The following NDUFC1 variants were observed in gnomAD, a reference collection of about 807,000 sequenced individuals.
NDUFC1 encodes NADH:ubiquinone oxidoreductase subunit C1, also known as NADH dehydrogenase [ubiquinone] 1 subunit C1, mitochondrial.
In NDUFC1, 11 loss-of-function variants were observed where a neutral mutation model predicts 11.6. The ratio of observed to expected loss-of-function variants is 0.95; its 90% confidence interval spans 0.60 to 1.58. The LOEUF is 1.58. Among genes scored for constraint, NDUFC1 ranks in the 40% most tolerant of loss-of-function variants. NDUFC1 has a pLI of 0.00. For synonymous variants in NDUFC1, 52 were observed against 42.2 expected (o/e 1.23, Z -0.90); for missense variants, 112 against 93.0 (o/e 1.20, Z -0.84).
rs1231066910 is a variant in NDUFC1, at chr4:139,295,819, C to T, written c.-21G>A. 6 of 1,544,456 alleles carry T rather than the reference C, an allele frequency of 3.9e-6. No individual in the cohort carries two copies. In the African/African-American group the frequency reaches 6.9e-5, roughly 18 times the overall value. ...GCCATCTTGCGTGGCCCAGCTCAGT[C>T]TCTCCGAGTTGGCAACAGAACCAGC... On this transcript the variant is annotated 5_prime_UTR_variant, in exon 3 of 6. Coordinates refer to ENST00000394223, the MANE Select transcript of NDUFC1 (RefSeq NM_001184989.2).
intron 1 of NDUFC1, among the ~76,000 whole-genome samples, chr4:139,300,344 A>C (rs1745657880): frequency 6.6e-6 from 1 of 152,190 alleles, no homozygotes; most frequent in Non-Finnish European, 1.5e-5. Flanking sequence ...CATGTATCTC[A>C]ACTCACACCT....
intron 4 of NDUFC1, among the ~76,000 whole-genome samples, chr4:139,294,110 T>G (rs572529328): frequency 6.6e-6 from 1 of 151,730 alleles, no homozygotes; most frequent in East Asian, 1.9e-4. Context: ...CCTGGCTAAT[T>G]TTTTTTGTAT....
chr4:139,301,726 AACTG>A (rs1271039827), intron 1 of NDUFC1: 21 of 1,532,762 alleles, frequency 1.4e-5, no homozygotes, highest in African/African-American at 2.8e-5. Flanking sequence ...CGGTCGGACA[AACTG>A]ACTGACCGAG....
At chr4:139,300,309 C>T (rs1745656135) in intron 1 of NDUFC1, among the ~76,000 whole-genome samples, 2 of 152,182 alleles carry the variant, frequency 1.3e-5, no homozygotes, top group African/African-American at 4.8e-5. Context: ...ATAGCAGCTA[C>T]AAAACCCAAG....
At chr4:139,301,732 C>CT in intron 1 of NDUFC1, 1 of 1,537,014 alleles carries the variant, frequency 6.5e-7, no homozygotes, top group South Asian at 1.2e-5. Flanking sequence ...GACAAACTGA[C>CT]TGACCGAGCC....
Position 139,295,127 on chromosome 4 carries a change from G to A in NDUFC1, c.87C>T (p.Phe29=). 2 of 1,614,150 alleles carry A rather than the reference G, an allele frequency of 1.2e-6. No homozygotes were observed. Among genetic ancestry groups the A allele is most frequent in the Non-Finnish European group, 1.7e-6 (2 of 1,180,006 alleles). The change falls in exon 4 of 6, where the codon TTC becomes TTT. Residue 29 remains phenylalanine, a synonymous_variant. Transcript: ENST00000394223. The stretch of plus-strand genomic sequence containing the variant: ...TGGCATTCGGCGGCTCTCGCACGTA[G>A]AACTTTGATCGCACTGAAGCTGAAA... ...LPSGPSVRSK[F]YVREPPNAKP...
rs532032614 is a variant in NDUFC1 at position 139,294,591 on chromosome 4, C to T, written c.171+452G>A. 3.7e-3 allele frequency among the ~76,000 whole-genome samples: 559 copies of T among 151,880 alleles called. 4 individuals carry two copies. Among genetic ancestry groups the T allele is most frequent in the South Asian group, 5.4e-3 (26 of 4,802 alleles). On this transcript the variant is annotated intron_variant, in intron 4 of 5. Transcript: ENST00000394223. ...CTCTACCAACAATACAAAAATTAGCCGGGCGTGGTGGCGGGCGCCTGTAGT... is the reference window on the plus strand; with the variant it reads ...CTCTACCAACAATACAAAAATTAGCTGGGCGTGGTGGCGGGCGCCTGTAGT...
intron 3 of NDUFC1, 102 bp from the exon 4 acceptor site, chr4:139,295,248 T>TC: frequency 1.2e-6 from 1 of 837,808 alleles, no homozygotes; most frequent in Non-Finnish European, 2.0e-6. Context: ...TCCCTTCAAC[T>TC]CCCCCATCTC....
At chr4:139,296,069 T>C (rs1007615930) in intron 2 of NDUFC1, 109 bp from the exon 3 acceptor site, 13 of 470,556 alleles carry the variant, frequency 2.8e-5, no homozygotes, top group Admixed American at 2.2e-4. Flanking sequence ...TCAAGAGGTT[T>C]ATTAAAATTT....
At position 139,295,785 on chromosome 4, in the gene NDUFC1, G is replaced by A. The variant is rs1248535061; in HGVS notation, c.14C>T (p.Ala5Val). Residue 5 changes from alanine to valine, a missense_variant, in exon 3 of 6, where the codon GCC (alanine) becomes GTC (valine). Coordinates refer to ENST00000394223, the MANE Select transcript of NDUFC1 (RefSeq NM_001184989.2). ...CAGCCGGGAAAGGGGACGCAGCAAG[G>A]CGGACGGCGCCATCTTGCGTGGCCC... is the stretch of plus-strand genomic sequence containing the variant. MAPS[A>V]LLRPLSRLLA... 7.1e-6 allele frequency: 11 copies of A among 1,547,428 alleles called. No individual in the cohort carries two copies. Among genetic ancestry groups the A allele is most frequent in the Middle Eastern group, 3.4e-4 (2 of 5,948 alleles).
chr4:139,294,661 C>T (rs1037284637), intron 4 of NDUFC1, among the ~76,000 whole-genome samples: 1 of 149,244 alleles, frequency 6.7e-6, no homozygotes, highest in African/African-American at 2.5e-5. Flanking sequence ...CGTGAACCCG[C>T]GAGGCAGAGC....
intron 1 of NDUFC1, among the ~76,000 whole-genome samples, chr4:139,298,976 GT>G (rs954814980): frequency 7.3e-4 from 107 of 146,780 alleles, no homozygotes; most frequent in African/African-American, 2.4e-3. Flanking sequence ...CCTGGCCTAT[GT>G]TTTTTTTTTT....
chr4:139,295,660 A>G, intron 3 of NDUFC1, 72 bp downstream of exon 3: 1 of 1,474,820 alleles, frequency 6.8e-7, no homozygotes, highest in East Asian at 2.6e-5. Context: ...CGCCTCCTGC[A>G]CCCGTGGGCT....
Position 139,295,836 on chromosome 4 carries a change from A to G in NDUFC1, c.-38T>C, listed in dbSNP as rs574967728. The G allele has an allele frequency of 2.3e-5, 35 of 1,537,516 alleles. No homozygotes were observed. Among genetic ancestry groups the G allele is most frequent in the Non-Finnish European group, 2.9e-5 (33 of 1,141,346 alleles). On this transcript the variant is annotated 5_prime_UTR_variant, in exon 3 of 6. Coordinates refer to ENST00000394223, the MANE Select transcript of NDUFC1 (RefSeq NM_001184989.2). ...AGCTCAGTCTCTCCGAGTTGGCAAC[A>G]GAACCAGCGCCACCTGGCGGCCGGA...
At position 139,292,579 on chromosome 4, in the gene NDUFC1, C is replaced by T. The variant is rs72939460; in HGVS notation, c.202G>A (p.Glu68Lys). 2 of 1,567,252 alleles carry T rather than the reference C, an allele frequency of 1.3e-6. No homozygotes were observed. Among genetic ancestry groups the T allele is most frequent in the African/African-American group, 2.7e-5 (2 of 73,702 alleles). The change falls in exon 5 of 6, where the codon GAG becomes AAG. Residue 68 changes from glutamate to lysine, a missense_variant. Physicochemically the swap from Glu to Lys is moderately conservative, Grantham distance 56. Coordinates refer to ENST00000394223, the MANE Select transcript of NDUFC1 (RefSeq NM_001184989.2). ...LIKQHNEDIL[E>K]YKRRNGLE ...TCCAGCCCATTTCTTCTTTTGTACTCTAAAATATCTTCATTGTGTTGTTTG... is the reference window on the plus strand; with the variant it reads ...TCCAGCCCATTTCTTCTTTTGTACTTTAAAATATCTTCATTGTGTTGTTTG...
At chr4:139,290,704 T>C (rs1437059638) in intron 5 of NDUFC1, among the ~76,000 whole-genome samples, 2 of 150,490 alleles carry the variant, frequency 1.3e-5, no homozygotes, top group East Asian at 1.9e-4. Flanking sequence ...AAAAAGGTTT[T>C]CAGAAATACA....
chr4:139,291,029 C>G (rs919366061), intron 5 of NDUFC1, among the ~76,000 whole-genome samples: 1 of 151,294 alleles, frequency 6.6e-6, no homozygotes. Flanking sequence ...CCAGGCTGGT[C>G]TCTAACTCCT....
At chr4:139,301,994 C>T (rs1745783250) in intron 1 of NDUFC1, 2 of 665,430 alleles carry the variant, frequency 3.0e-6, no homozygotes, top group Non-Finnish European at 4.8e-6. Context: ...CTCTGTGGTT[C>T]CTACTATGGC....
chr4:139,302,124 G>T lies in NDUFC1; in HGVS notation c.-222+292C>A, dbSNP rs545991305. On this transcript the variant is annotated intron_variant, in intron 1 of 5. Transcript: ENST00000394223. ...GGTTCTCATTCTCCCCGATCTGGGG[G>T]AGAAGAGGCCCGGCCTTTGGCGGGC... The T allele has an allele frequency of 7.3e-4, 261 of 357,082 alleles. 1 individual carries two copies. The highest frequency in any genetic ancestry group is 4.4e-4 in the Non-Finnish European group (87 of 197,776). The allele number at this position is 357,082 out of a possible 1,614,324, so 22.1% of individuals were successfully genotyped here. A position where few individuals can be genotyped will look rare whatever the true frequency, so the allele number is the denominator to read the frequency against.
Sources: allele counts gnomAD v4.1 joint callset (sites outside exome capture counted in the v4.1 genomes callset), GRCh38; gene constraint gnomAD v4.1.1; transcripts MANE v1.5; gene names NCBI Gene and HGNC (gene_info 2026-07-23, HGNC 2026-07-21).